SGCD: variants seen among roughly 807,000 people sequenced by gnomAD.
SGCD encodes sarcoglycan delta.
SGCD carries 18 observed loss-of-function variants against 36.6 expected under a neutral mutation model. That is an observed-to-expected ratio of 0.49 (90% confidence interval 0.34 to 0.73). The LOEUF (loss-of-function observed/expected upper bound fraction) is 0.73. Among genes scored for constraint, SGCD ranks in the 30% least tolerant of loss-of-function variants. SGCD has a pLI of 0.01. For synonymous variants in SGCD, 133 were observed against 130.6 expected (o/e 1.02, Z -0.12); for missense variants, 387 against 346.7 (o/e 1.12, Z -0.92).
At chr5:155,820,304 C>A in the SGCD span, among the ~76,000 whole-genome samples, 3 of 152,212 alleles carry the variant, frequency 2.0e-5, no homozygotes, top group African/African-American at 7.2e-5. Context: ...AGCAGACAGG[C>A]AGAATTGGAA....
intron 3 of SGCD, among the ~76,000 whole-genome samples, chr5:156,196,741 A>C (rs1393477644): frequency 6.6e-6 from 1 of 152,180 alleles, no homozygotes; most frequent in African/African-American, 2.4e-5. Flanking sequence ...AAATTCTAGA[A>C]ATATATTATT....
At chr5:156,334,531 C>A (rs1362160281) in intron 2 of SGCD, among the ~76,000 whole-genome samples, 1 of 151,744 alleles carries the variant, frequency 6.6e-6, no homozygotes, top group East Asian at 1.9e-4. Flanking sequence ...TAGCCTTTTC[C>A]ATGAGGTCAA....
intron 7 of SGCD, among the ~76,000 whole-genome samples, chr5:156,704,551 A>G (rs1489859483): frequency 6.6e-6 from 1 of 152,214 alleles, no homozygotes; most frequent in African/African-American, 2.4e-5. Flanking sequence ...AATACTGGGC[A>G]GGTAAAAACA....
At chr5:155,989,184 C>G (rs1246030996) in intron 1 of SGCD, among the ~76,000 whole-genome samples, 1 of 152,148 alleles carries the variant, frequency 6.6e-6, no homozygotes, top group African/African-American at 2.4e-5. Flanking sequence ...GTTGGCAAAT[C>G]TTTTCTATAG....
intron 3 of SGCD, among the ~76,000 whole-genome samples, chr5:156,296,945 C>T (rs1239782129): frequency 6.6e-6 from 1 of 151,802 alleles, no homozygotes; most frequent in Non-Finnish European, 1.5e-5. Flanking sequence ...CATATATACA[C>T]ACACATACAC....
At chr5:155,860,532 T>C in the SGCD span, among the ~76,000 whole-genome samples, 4 of 152,194 alleles carry the variant, frequency 2.6e-5, no homozygotes, top group African/African-American at 9.7e-5. Context: ...AGGAGCTTGA[T>C]ACTAAAACAA....
At chr5:155,790,339 G>C in the SGCD span, among the ~76,000 whole-genome samples, 1 of 151,988 alleles carries the variant, frequency 6.6e-6, no homozygotes, top group Non-Finnish European at 1.5e-5. Context: ...CTTCTTGACT[G>C]CTTTTATGAA....
intron 4 of SGCD, among the ~76,000 whole-genome samples, chr5:156,531,868 G>A (rs1016628685): frequency 2.0e-5 from 3 of 152,120 alleles, no homozygotes; most frequent in African/African-American, 7.2e-5. Context: ...CAGCACTTTG[G>A]GAGGCTGAGG....
chr5:156,225,662 G>T (rs1047889429), intron 3 of SGCD, among the ~76,000 whole-genome samples: 2 of 152,014 alleles, frequency 1.3e-5, no homozygotes, highest in Non-Finnish European at 2.9e-5. Context: ...GCAAAAGTAC[G>T]ATTTGATTAT....
chr5:156,410,952 A>G (rs142840044), intron 3 of SGCD, among the ~76,000 whole-genome samples: 114 of 152,292 alleles, frequency 7.5e-4, no homozygotes, highest in African/African-American at 2.6e-3. Flanking sequence ...TAAGATTGTT[A>G]CTGGTCTAGA....
At chr5:156,663,737 C>T (rs1253513386) in intron 7 of SGCD, among the ~76,000 whole-genome samples, 1 of 147,310 alleles carries the variant, frequency 6.8e-6, no homozygotes, top group African/African-American at 2.6e-5. Flanking sequence ...TGGGGGCTCC[C>T]CTGGAAGCAG....
intron 7 of SGCD, among the ~76,000 whole-genome samples, chr5:156,684,078 A>T (rs1753818710): frequency 6.6e-6 from 1 of 152,224 alleles, no homozygotes; most frequent in Non-Finnish European, 1.5e-5. Flanking sequence ...GGTACTAAGT[A>T]CAGGGCCCTG....
chr5:156,017,780 A>C (rs1759016269), intron 1 of SGCD, among the ~76,000 whole-genome samples: 1 of 152,188 alleles, frequency 6.6e-6, no homozygotes, highest in Non-Finnish European at 1.5e-5. Flanking sequence ...TTATTGCATT[A>C]GCAATTATAT....
At chr5:156,260,385 A>G (rs1462601931) in intron 3 of SGCD, among the ~76,000 whole-genome samples, 1 of 152,120 alleles carries the variant, frequency 6.6e-6, no homozygotes, top group Non-Finnish European at 1.5e-5. Flanking sequence ...GAACATTTAG[A>G]TATCAATTTC....
the SGCD span, among the ~76,000 whole-genome samples, chr5:155,770,625 G>A: frequency 6.6e-6 from 1 of 152,122 alleles, no homozygotes; most frequent in East Asian, 1.9e-4. Flanking sequence ...GTTTGAAGCA[G>A]GGAGGTGAGA....
the SGCD span, among the ~76,000 whole-genome samples, chr5:155,743,436 C>G: frequency 1.3e-5 from 2 of 152,058 alleles, no homozygotes; most frequent in South Asian, 2.1e-4. Flanking sequence ...GGTCAGAGAC[C>G]AAATATATAT....
intron 1 of SGCD, among the ~76,000 whole-genome samples, chr5:156,018,580 C>T (rs1264011109): frequency 5.3e-5 from 8 of 152,132 alleles, no homozygotes; most frequent in Non-Finnish European, 8.8e-5. Context: ...TAAAATGGTA[C>T]TCCTTCATCC....
intron 3 of SGCD, among the ~76,000 whole-genome samples, chr5:156,481,401 T>C (rs536483161): frequency 3.0e-4 from 45 of 152,320 alleles, no homozygotes; most frequent in Middle Eastern, 3.4e-3. Context: ...GTTGTAATAA[T>C]GTGTGAATTT....
intron 3 of SGCD, among the ~76,000 whole-genome samples, chr5:156,204,621 C>T (rs777898804): frequency 5.3e-5 from 8 of 152,104 alleles, no homozygotes; most frequent in Non-Finnish European, 1.2e-4. Flanking sequence ...TCACCCTTCT[C>T]AGCCTCACTT....
Sources: gnomAD v4.1 joint callset for allele counts (sites outside exome capture counted in the v4.1 genomes callset) on GRCh38, gnomAD v4.1.1 for gene constraint, MANE v1.5 for transcripts, NCBI Gene and HGNC (gene_info 2026-07-23, HGNC 2026-07-21) for gene names.